Variants in RSRC1 observed in about 807,000 individuals in gnomAD.
The protein encoded by RSRC1 is serine/Arginine-related protein 53.
Under a neutral mutation model 49.1 loss-of-function variants are expected in RSRC1, and 39 were observed. The observed-to-expected ratio is 0.79, with a 90% CI of 0.61 to 1.04. The LOEUF is 1.04. RSRC1 is among the 50% of genes least tolerant of loss of function. RSRC1 has a pLI of 0.00. For missense variants in RSRC1, 388 were observed against 402.4 expected (o/e 0.96, Z 0.31); for synonymous variants, 143 against 130.8 (o/e 1.09, Z -0.63).
chr3:158,303,223 G>A (rs1727661175), intron 5 of RSRC1: 2 of 152,184 alleles, frequency 1.3e-5, no homozygotes, highest in Admixed American at 6.5e-5. Flanking sequence ...GAAGGATTTA[G>A]ATCAGAAAAT....
In RSRC1 at chr3:158,535,058, A is replaced by G. The variant is rs73877218; in HGVS notation, c.653-2034A>G. Among the ~76,000 whole-genome samples the G allele has an allele frequency of 7.3e-3, 1,101 of 151,554 alleles. 13 individuals carry two copies. Among genetic ancestry groups the G allele is most frequent in the African/African-American group, 0.026 (1,065 of 41,500 alleles). On this transcript the variant is annotated intron_variant, in intron 7 of 9. Transcript: ENST00000611884. ...TTTTGCAACTAAAAAATGAATATTA[A>G]TCACAAAGTAAGACCTAAAATATTT...
Position 158,144,754 on chromosome 3 carries a change from G to C in RSRC1, c.320+20763G>C, listed in dbSNP as rs570305599. On this transcript the variant is annotated intron_variant, in intron 3 of 9. Coordinates refer to ENST00000611884, the MANE Select transcript of RSRC1 (RefSeq NM_001271838.2). ...GAACTAGTTTACAGTCCCCCCAACA[G>C]TGTAAAAGTGTTCCTATTTCTCCAC... 3.6e-3 allele frequency among the ~76,000 whole-genome samples: 550 copies of C among 152,254 alleles called. 7 individuals carry two copies. The highest frequency in any genetic ancestry group is 0.013 in the African/African-American group (529 of 41,534).
chr3:158,543,734 G>C, intron 9 of RSRC1: 1 of 370,982 alleles, frequency 2.7e-6, no homozygotes. Flanking sequence ...AATAGACAAA[G>C]AGAAGCATTT....
intron 4 of RSRC1, among the ~76,000 whole-genome samples, chr3:158,207,496 A>C (rs1457445074): frequency 6.6e-6 from 1 of 152,148 alleles, no homozygotes; most frequent in African/African-American, 2.4e-5. Context: ...GAGAGGAAAA[A>C]GGATTCACAA....
At chr3:158,511,162 T>A (rs890117935) in intron 7 of RSRC1, among the ~76,000 whole-genome samples, 9 of 152,100 alleles carry the variant, frequency 5.9e-5, no homozygotes, top group African/African-American at 1.9e-4. Context: ...ATGTGCAGGT[T>A]AGTTACATAT....
chr3:158,399,320 A>G (rs1733783388), intron 6 of RSRC1, among the ~76,000 whole-genome samples: 1 of 78,576 alleles, frequency 1.3e-5, no homozygotes, highest in Non-Finnish European at 2.6e-5. Context: ...ACGCCCGGCT[A>G]ATTTTTTTTG....
At chr3:158,121,436 A>G (rs1715253916) in intron 1 of RSRC1, among the ~76,000 whole-genome samples, 1 of 152,168 alleles carries the variant, frequency 6.6e-6, no homozygotes, top group African/African-American at 2.4e-5. Flanking sequence ...TAGAGATACT[A>G]GCAGTGTGTG....
chr3:158,431,220 TC>T (rs2108357639), intron 6 of RSRC1, among the ~76,000 whole-genome samples: 1 of 151,820 alleles, frequency 6.6e-6, no homozygotes, highest in Admixed American at 6.6e-5. Context: ...CTTGATGTCA[TC>T]AGCTTGGTAT....
At chr3:158,230,415 C>G (rs1722883974) in intron 4 of RSRC1, among the ~76,000 whole-genome samples, 1 of 152,036 alleles carries the variant, frequency 6.6e-6, no homozygotes, top group Admixed American at 6.6e-5. Context: ...ATTTCTAAAG[C>G]CCACGTTTCT....
intron 3 of RSRC1, among the ~76,000 whole-genome samples, chr3:158,150,796 G>A (rs2108211498): frequency 6.6e-6 from 1 of 152,154 alleles, no homozygotes; most frequent in African/African-American, 2.4e-5. Context: ...TGGGAGCGAG[G>A]GGTGCTTTAA....
chr3:158,178,861 C>CT (rs1237591286), intron 3 of RSRC1, among the ~76,000 whole-genome samples: 2 of 151,826 alleles, frequency 1.3e-5, no homozygotes, highest in Non-Finnish European at 2.9e-5. Flanking sequence ...AGGTTTTGAC[C>CT]TTTTTTTTGT....
chr3:158,348,090 T>G (rs1295567846), intron 5 of RSRC1, among the ~76,000 whole-genome samples: 1 of 152,190 alleles, frequency 6.6e-6, no homozygotes, highest in Non-Finnish European at 1.5e-5. Flanking sequence ...ATTGCACATC[T>G]AATTTTGTTT....
chr3:158,323,340 G>A (rs2108172163), intron 5 of RSRC1, among the ~76,000 whole-genome samples: 1 of 152,166 alleles, frequency 6.6e-6, no homozygotes, highest in South Asian at 2.1e-4. Flanking sequence ...TAAATGATTT[G>A]GGCAGAGGTC....
intron 3 of RSRC1, among the ~76,000 whole-genome samples, chr3:158,196,467 C>G (rs1427219368): frequency 5.9e-5 from 9 of 152,188 alleles, no homozygotes; most frequent in Admixed American, 1.3e-4. Context: ...TTGACTTCCT[C>G]TTTTCCTAAT....
intron 7 of RSRC1, among the ~76,000 whole-genome samples, chr3:158,487,956 A>G (rs959492546): frequency 2.1e-4 from 31 of 144,950 alleles, no homozygotes; most frequent in South Asian, 8.8e-4. Flanking sequence ...CAAGAAAAAA[A>G]AAAAAAAAAA....
chr3:158,432,406 G>C (rs1009554780), intron 6 of RSRC1, among the ~76,000 whole-genome samples: 1 of 151,888 alleles, frequency 6.6e-6, no homozygotes, highest in African/African-American at 2.4e-5. Flanking sequence ...GAGAGTCTAT[G>C]GGGAGTTTTG....
intron 4 of RSRC1, among the ~76,000 whole-genome samples, chr3:158,249,082 T>C (rs2108009732): frequency 6.6e-6 from 1 of 152,326 alleles, no homozygotes; most frequent in African/African-American, 2.4e-5. Flanking sequence ...GCCACGTGTG[T>C]ATCTTCTTTT....
chr3:158,249,701 C>T (rs545129166), intron 4 of RSRC1, among the ~76,000 whole-genome samples: 16 of 151,266 alleles, frequency 1.1e-4, no homozygotes, highest in Admixed American at 3.9e-4. Flanking sequence ...TTTTGGGGCA[C>T]GTAGTAGGTT....
intron 3 of RSRC1, among the ~76,000 whole-genome samples, chr3:158,147,373 T>A (rs1717207001): frequency 6.6e-6 from 1 of 152,028 alleles, no homozygotes; most frequent in Admixed American, 6.6e-5. Flanking sequence ...CCTGAGTAGC[T>A]GGGACTACAA....
Sources: gnomAD v4.1 joint callset for allele counts (sites outside exome capture counted in the v4.1 genomes callset) on GRCh38, gnomAD v4.1.1 for gene constraint, MANE v1.5 for transcripts, NCBI Gene and HGNC (gene_info 2026-07-23, HGNC 2026-07-21) for gene names.